KCTD16: variants seen among roughly 807,000 people sequenced by gnomAD.
KCTD16 encodes the protein potassium channel tetramerization domain containing 16.
In KCTD16, 13 loss-of-function variants were observed where a neutral mutation model predicts 33.2. The ratio of observed to expected loss-of-function variants is 0.39; its 90% CI spans 0.25 to 0.62. The LOEUF (loss-of-function observed/expected upper bound fraction) is 0.62. Among genes scored for constraint, KCTD16 ranks in the 20% least tolerant of loss-of-function variants. The probability of loss-of-function intolerance (pLI) is 0.50; values close to 1 mark genes in which losing one functional copy is unlikely to be tolerated. For synonymous variants in KCTD16, 197 were observed against 195.3 expected, an observed-to-expected ratio of 1.01 and a Z score of -0.07; for missense variants, 441 against 525.1, an observed-to-expected ratio of 0.84 and a Z score of 1.57.
chr5:144,275,701 C>T (rs1326449630), intron 3 of KCTD16, among the ~76,000 whole-genome samples: 1 of 152,158 alleles, frequency 6.6e-6, no homozygotes, highest in Non-Finnish European at 1.5e-5. Context: ...TTTGGGAACA[C>T]TGAACGGCGA....
At chr5:144,211,441 A>C (rs1256277523) in intron 3 of KCTD16, among the ~76,000 whole-genome samples, 1 of 152,174 alleles carries the variant, frequency 6.6e-6, no homozygotes, top group African/African-American at 2.4e-5. Flanking sequence ...GAGCACCAGC[A>C]TGATGCCACA....
chr5:144,465,786 G>GTT (rs1167925399), intron 3 of KCTD16, among the ~76,000 whole-genome samples: 41 of 131,868 alleles, frequency 3.1e-4, no homozygotes, highest in African/African-American at 9.2e-4. Context: ...TAACTTTTTT[G>GTT]TTTTTTTTTT....
intron 3 of KCTD16, among the ~76,000 whole-genome samples, chr5:144,386,714 A>C (rs1752331644): frequency 6.6e-6 from 1 of 152,220 alleles, no homozygotes; most frequent in South Asian, 2.1e-4. Context: ...TGAAGAAAAA[A>C]AGAATGAAAA....
chr5:144,297,483 A>G (rs1360214368), intron 3 of KCTD16, among the ~76,000 whole-genome samples: 1 of 152,246 alleles, frequency 6.6e-6, no homozygotes, highest in East Asian at 1.9e-4. Flanking sequence ...CAGACATTTC[A>G]TCAGATATAT....
intron 3 of KCTD16, among the ~76,000 whole-genome samples, chr5:144,399,695 T>C (rs1368528638): frequency 6.6e-6 from 1 of 152,170 alleles, no homozygotes; most frequent in African/African-American, 2.4e-5. Context: ...ATTTTACACA[T>C]AAAAATAAGT....
intron 3 of KCTD16, among the ~76,000 whole-genome samples, chr5:144,225,261 G>A (rs1219846942): frequency 6.6e-6 from 1 of 151,940 alleles, no homozygotes; most frequent in Non-Finnish European, 1.5e-5. Context: ...CAAATTTCAA[G>A]TTTTATGAAC....
rs537944021 is a variant in KCTD16, at chr5:144,239,298, C to G, written c.832+31752C>G. Among the ~76,000 whole-genome samples the G allele has an allele frequency of 1.9e-4, 29 of 152,126 alleles. No homozygotes were observed. In the East Asian group the frequency reaches 4.6e-3, roughly 24 times the overall value. On this transcript the variant is annotated intron_variant, in intron 3 of 3. Transcript: ENST00000512467. Reference sequence around the variant, plus strand: ...CATGATATCTTTCTTAGAATTTGAACATTATTAAGAAGTTTGGGTAAGTTT... The same window carrying G: ...CATGATATCTTTCTTAGAATTTGAAGATTATTAAGAAGTTTGGGTAAGTTT...
intron 3 of KCTD16, among the ~76,000 whole-genome samples, chr5:144,348,156 C>G (rs1167714636): frequency 6.6e-6 from 1 of 152,196 alleles, no homozygotes; most frequent in Non-Finnish European, 1.5e-5. Context: ...TTTGTGTCCT[C>G]TCATTTGTTC....
chr5:144,417,076 A>G (rs920028245), intron 3 of KCTD16, among the ~76,000 whole-genome samples: 7 of 152,212 alleles, frequency 4.6e-5, no homozygotes, highest in African/African-American at 7.2e-5. Context: ...TAGCGCTGCT[A>G]TCATCATGCT....
At chr5:144,254,705 C>T (rs1754799169) in intron 3 of KCTD16, among the ~76,000 whole-genome samples, 1 of 152,122 alleles carries the variant, frequency 6.6e-6, no homozygotes, top group Admixed American at 6.5e-5. Context: ...ACTGCCATTC[C>T]ACTCCTTGAT....
intron 3 of KCTD16, among the ~76,000 whole-genome samples, chr5:144,212,940 G>A (rs986254712): frequency 1.3e-5 from 2 of 151,912 alleles, no homozygotes; most frequent in Non-Finnish European, 2.9e-5. Context: ...CCCTTTTGTC[G>A]ATGCTGGATT....
chr5:144,212,353 A>G (rs1561531018), intron 3 of KCTD16, among the ~76,000 whole-genome samples: 1 of 152,182 alleles, frequency 6.6e-6, no homozygotes, highest in Non-Finnish European at 1.5e-5. Flanking sequence ...GTAGGAGAAG[A>G]TTAAAATAGT....
chr5:144,259,014 T>G (rs924871041), intron 3 of KCTD16, among the ~76,000 whole-genome samples: 4 of 151,996 alleles, frequency 2.6e-5, no homozygotes, highest in Admixed American at 6.5e-5. Flanking sequence ...ATACCAGCAC[T>G]TTGGGAGACC....
chr5:144,419,667 C>G (rs1753165053), intron 3 of KCTD16, among the ~76,000 whole-genome samples: 1 of 152,144 alleles, frequency 6.6e-6, no homozygotes, highest in Non-Finnish European at 1.5e-5. Context: ...GCACTTTCCA[C>G]TAGTACTTTT....
intron 3 of KCTD16, among the ~76,000 whole-genome samples, chr5:144,244,715 T>C (rs1754502930): frequency 6.6e-6 from 1 of 152,206 alleles, no homozygotes; most frequent in Non-Finnish European, 1.5e-5. Context: ...GTAGACCCAA[T>C]TCCTAGTTTC....
At position 144,473,887 on chromosome 5, in the gene KCTD16, A is replaced by G; in HGVS notation, c.1060A>G (p.Ile354Val). ...RPIKKGPVQL[I>V]QQSEMRRKSD... ...CATCAAGAAGGGCCCTGTCCAGCTGATCCAACAGTCAGAGATGCGGCGGAA... is the reference window on the plus strand; with the variant it reads ...CATCAAGAAGGGCCCTGTCCAGCTGGTCCAACAGTCAGAGATGCGGCGGAA... The change falls in exon 4 of 4, where the codon ATC becomes GTC. Residue 354 changes from isoleucine (I) to valine (V), a missense_variant. Transcript: ENST00000512467. 6.2e-7 allele frequency: 1 copy of G among 1,614,102 alleles called. No homozygotes were observed. The highest frequency in any genetic ancestry group is 1.3e-5 in the African/African-American group (1 of 75,020).
intron 3 of KCTD16, among the ~76,000 whole-genome samples, chr5:144,299,915 A>C (rs13163441): frequency 8.6e-4 from 116 of 135,126 alleles, no homozygotes; most frequent in African/African-American, 3.7e-3. Flanking sequence ...AAAAAAAAAA[A>C]CAAAAAACAA....
At chr5:144,291,505 G>A (rs1221608047) in intron 3 of KCTD16, among the ~76,000 whole-genome samples, 1 of 151,974 alleles carries the variant, frequency 6.6e-6, no homozygotes, top group Non-Finnish European at 1.5e-5. Context: ...ACCCTCATTA[G>A]GCTATGCACC....
intron 3 of KCTD16, among the ~76,000 whole-genome samples, chr5:144,453,299 T>G (rs927854435): frequency 7.9e-5 from 12 of 152,132 alleles, no homozygotes; most frequent in Non-Finnish European, 1.6e-4. Context: ...GCTGTCTTAG[T>G]CTCATCACTT....
Sources: gnomAD v4.1 joint callset for allele counts (sites outside exome capture counted in the v4.1 genomes callset) on GRCh38, gnomAD v4.1.1 for gene constraint, MANE v1.5 for transcripts, NCBI Gene and HGNC (gene_info 2026-07-23, HGNC 2026-07-21) for gene names.